LRRC63: variants seen among roughly 807,000 people sequenced by gnomAD.
The protein encoded by LRRC63 is leucine rich repeat containing 63.
A neutral mutation model predicts 49.5 loss-of-function variants in LRRC63; 40 were observed. The observed-to-expected ratio is 0.81, with a 90% CI of 0.63 to 1.05. The LOEUF (loss-of-function observed/expected upper bound fraction) is 1.05. Ranked by LOEUF, LRRC63 falls within the 50% of genes least tolerant of loss-of-function variation. The pLI is 0.00. For missense variants in LRRC63, 636 were observed against 663.1 expected (o/e 0.96, Z 0.45); for synonymous variants, 191 against 221.1 (o/e 0.86, Z 1.21).
chr13:46,238,828 C>T (rs1234932361), intron 5 of LRRC63, among the ~76,000 whole-genome samples: 1 of 152,168 alleles, frequency 6.6e-6, no homozygotes, highest in African/African-American at 2.4e-5. Flanking sequence ...GAAGTCAAGA[C>T]TTTTAAAATC....
chr13:46,213,818 A>G (rs528122813), intron 2 of LRRC63, among the ~76,000 whole-genome samples: 1 of 152,348 alleles, frequency 6.6e-6, no homozygotes, highest in Middle Eastern at 3.4e-3. Context: ...ACCTAGCCCC[A>G]TATTTCTTCC....
chr13:46,274,981 ATCC>A (rs934528046), intron 9 of LRRC63, among the ~76,000 whole-genome samples: 2 of 151,882 alleles, frequency 1.3e-5, no homozygotes, highest in African/African-American at 4.8e-5. Context: ...AACCTCTCCT[ATCC>A]TCCTCTTCCT....
At chr13:46,230,107 G>A (rs2046701856) in intron 4 of LRRC63, among the ~76,000 whole-genome samples, 1 of 152,112 alleles carries the variant, frequency 6.6e-6, no homozygotes, top group Admixed American at 6.6e-5. Flanking sequence ...AACACTGGGA[G>A]TTACATTTCA....
chr13:46,214,417 C>T (rs531165549), intron 2 of LRRC63, among the ~76,000 whole-genome samples: 36 of 152,134 alleles, frequency 2.4e-4, no homozygotes, highest in Non-Finnish European at 4.9e-4. Context: ...TGTAATAATA[C>T]AGTATGCAGA....
chr13:46,228,107 A>T, exon 3 of LRRC63: 1 of 1,550,344 alleles, frequency 6.5e-7, no homozygotes, highest in South Asian at 1.2e-5. Flanking sequence ...CTACATTGAC[A>T]CTAAGAGTTA....
At chr13:46,250,238 C>A in intron 6 of LRRC63, 117 bp from the exon 7 acceptor site, 2 of 874,884 alleles carry the variant, frequency 2.3e-6, no homozygotes, top group Non-Finnish European at 3.4e-6. Context: ...ATGATATAGC[C>A]AATTAATGTT....
intron 7 of LRRC63, among the ~76,000 whole-genome samples, chr13:46,255,996 A>G (rs1466590366): frequency 6.6e-6 from 1 of 152,200 alleles, no homozygotes; most frequent in Non-Finnish European, 1.5e-5. Flanking sequence ...CTTTCACTCA[A>G]CATACATTTT....
intron 5 of LRRC63, among the ~76,000 whole-genome samples, chr13:46,242,849 C>T (rs2146892): frequency 0.037 from 5,637 of 151,748 alleles, 344 homozygotes; most frequent in African/African-American, 0.13. Flanking sequence ...AAAGACTTTC[C>T]CCAAATAACA....
At chr13:46,243,861 T>C (rs745632864) in intron 5 of LRRC63, among the ~76,000 whole-genome samples, 9 of 152,226 alleles carry the variant, frequency 5.9e-5, no homozygotes, top group Non-Finnish European at 1.0e-4. Flanking sequence ...TTTAAACTTA[T>C]AAACTCTTCA....
intron 2 of LRRC63, among the ~76,000 whole-genome samples, chr13:46,215,134 G>A (rs1031383558): frequency 6.6e-6 from 1 of 152,188 alleles, no homozygotes; most frequent in Non-Finnish European, 1.5e-5. Context: ...ACCCAGTAAT[G>A]GGATTGCTGG....
At chr13:46,250,124 A>T in intron 6 of LRRC63, 1 of 271,880 alleles carries the variant, frequency 3.7e-6, no homozygotes, top group Non-Finnish European at 7.0e-6. Flanking sequence ...ACCATTCTTG[A>T]GTCAAGGGTG....
At chr13:46,220,622 T>A (rs2046378859) in intron 2 of LRRC63, among the ~76,000 whole-genome samples, 1 of 149,850 alleles carries the variant, frequency 6.7e-6, no homozygotes, top group Non-Finnish European at 1.5e-5. Flanking sequence ...GTTCTATCTC[T>A]CTGGCATTCC....
intron 4 of LRRC63, among the ~76,000 whole-genome samples, chr13:46,229,493 G>T (rs942163478): frequency 6.6e-6 from 1 of 152,202 alleles, no homozygotes; most frequent in Admixed American, 6.5e-5. Context: ...TGGTGTGGGA[G>T]AATGGATTAC....
intron 6 of LRRC63, chr13:46,249,831 T>C (rs1164910775): frequency 6.6e-6 from 1 of 151,902 alleles, no homozygotes; most frequent in African/African-American, 2.4e-5. Context: ...AGATTATTTC[T>C]TTGTTTTTCT....
At chr13:46,254,093 C>T (rs1377299790) in intron 7 of LRRC63, among the ~76,000 whole-genome samples, 1 of 151,954 alleles carries the variant, frequency 6.6e-6, no homozygotes, top group African/African-American at 2.4e-5. Context: ...GTGTCAAATA[C>T]AACAGAGAAG....
At chr13:46,243,441 A>G (rs543766099) in intron 5 of LRRC63, among the ~76,000 whole-genome samples, 1 of 152,308 alleles carries the variant, frequency 6.6e-6, no homozygotes, top group South Asian at 2.1e-4. Flanking sequence ...GGAAACCCTT[A>G]CCTATCAATA....
chr13:46,257,658 TG>T, intron 7 of LRRC63, among the ~76,000 whole-genome samples: 1 of 152,212 alleles, frequency 6.6e-6, no homozygotes, highest in East Asian at 1.9e-4. Context: ...TGGAACAAAG[TG>T]GGGGTTTGTG....
exon 10 of LRRC63, chr13:46,276,965 G>T (rs772685471): frequency 1.9e-4 from 30 of 155,796 alleles, no homozygotes; most frequent in Non-Finnish European, 3.9e-4. Context: ...TAGAGGTTCT[G>T]TTTGGAAGAC....
At chr13:46,232,348 T>C (rs912784210) in intron 4 of LRRC63, among the ~76,000 whole-genome samples, 24 of 152,222 alleles carry the variant, frequency 1.6e-4, no homozygotes, top group Admixed American at 1.2e-3. Flanking sequence ...AAGCTGTGAA[T>C]GTATAGAACA....
Sources: gnomAD v4.1 joint callset for allele counts (sites outside exome capture counted in the v4.1 genomes callset) on GRCh38, gnomAD v4.1.1 for gene constraint, MANE v1.5 for transcripts, NCBI Gene and HGNC (gene_info 2026-07-23, HGNC 2026-07-21) for gene names.